The following TNNI3K variants were observed in gnomAD, a reference collection of about 807,000 sequenced individuals.
TNNI3K encodes TNNI3 interacting kinase, also known as serine/threonine-protein kinase TNNI3K.
In TNNI3K, 140 loss-of-function variants were observed where a neutral mutation model predicts 114.5. The observed-to-expected ratio is 1.22, with a 90% CI of 1.07 to 1.41. TNNI3K has a LOEUF of 1.41. TNNI3K is among the 40% of genes most tolerant of loss of function. The pLI, the probability that TNNI3K is intolerant of heterozygous loss-of-function variation, is 0.00. For missense variants in TNNI3K, 1,125 were observed against 1,007.6 expected (o/e 1.12, Z -1.58); for synonymous variants, 347 against 347.5 (o/e 1.00, Z 0.02).
chr1:74,444,479 A>G (rs911027452), intron 20 of TNNI3K, among the ~76,000 whole-genome samples: 2 of 151,974 alleles, frequency 1.3e-5, no homozygotes, highest in Non-Finnish European at 2.9e-5. Context: ...TAACAAGAAA[A>G]GTGAAGGACC....
chr1:74,522,184 G>C (rs931532034), intron 23 of TNNI3K, among the ~76,000 whole-genome samples: 5 of 152,188 alleles, frequency 3.3e-5, no homozygotes, highest in Non-Finnish European at 5.9e-5. Flanking sequence ...TCAGACCCTT[G>C]ATGAATCAGG....
chr1:74,297,714 T>A (rs1450641978), intron 5 of TNNI3K, among the ~76,000 whole-genome samples: 1 of 152,166 alleles, frequency 6.6e-6, no homozygotes, highest in African/African-American at 2.4e-5. Context: ...TCATAGCATG[T>A]CAGGGTAGTC....
intron 17 of TNNI3K, among the ~76,000 whole-genome samples, chr1:74,431,268 T>C (rs1292693256): frequency 2.6e-5 from 4 of 152,098 alleles, no homozygotes; most frequent in Non-Finnish European, 4.4e-5. Flanking sequence ...CTTCTGACTA[T>C]AGGTCCTCTT....
At chr1:74,399,480 A>G (rs1013337741) in intron 17 of TNNI3K, among the ~76,000 whole-genome samples, 1 of 152,118 alleles carries the variant, frequency 6.6e-6, no homozygotes, top group Non-Finnish European at 1.5e-5. Context: ...GTGTTAATTA[A>G]GACTCAAAAA....
chr1:74,520,019 A>G (rs1047160281), intron 23 of TNNI3K, among the ~76,000 whole-genome samples: 1 of 152,004 alleles, frequency 6.6e-6, no homozygotes, highest in East Asian at 1.9e-4. Context: ...TTTTATTTCC[A>G]TAAGTTTTTG....
intron 17 of TNNI3K, chr1:74,375,802 C>G: frequency 3.3e-6 from 1 of 301,792 alleles, no homozygotes; most frequent in South Asian, 2.8e-5. Flanking sequence ...ACACTCTTCT[C>G]TCCTGTACAG....
At chr1:74,365,280 G>T (rs1662209415) in intron 11 of TNNI3K, among the ~76,000 whole-genome samples, 1 of 151,644 alleles carries the variant, frequency 6.6e-6, no homozygotes, top group African/African-American at 2.4e-5. Flanking sequence ...ATGCTTCAGG[G>T]GCTCCCCATC....
intron 7 of TNNI3K, among the ~76,000 whole-genome samples, chr1:74,340,875 A>G (rs1660715276): frequency 6.6e-6 from 1 of 152,182 alleles, no homozygotes; most frequent in South Asian, 2.1e-4. Context: ...AGAAGAACCA[A>G]CATTCTTCTG....
intron 9 of TNNI3K, among the ~76,000 whole-genome samples, chr1:74,351,078 T>C (rs972864646): frequency 1.4e-4 from 21 of 151,700 alleles, no homozygotes; most frequent in African/African-American, 5.1e-4. Flanking sequence ...TCTTTACAAT[T>C]TGGCATGTTT....
At chr1:74,427,122 C>T (rs1350242009) in intron 17 of TNNI3K, among the ~76,000 whole-genome samples, 1 of 151,942 alleles carries the variant, frequency 6.6e-6, no homozygotes, top group Admixed American at 6.6e-5. Flanking sequence ...CCTGCCTGTC[C>T]TTTGTTCTGG....
At chr1:74,495,503 A>C (rs1669285545) in intron 23 of TNNI3K, among the ~76,000 whole-genome samples, 1 of 152,242 alleles carries the variant, frequency 6.6e-6, no homozygotes, top group African/African-American at 2.4e-5. Flanking sequence ...GTGTGTAATC[A>C]GTGAATGAGC....
chr1:74,239,240 C>T (rs1226537381), intron 2 of TNNI3K, among the ~76,000 whole-genome samples: 1 of 151,996 alleles, frequency 6.6e-6, no homozygotes, highest in Non-Finnish European at 1.5e-5. Context: ...AAGTGAATTG[C>T]TTCCAGGGCA....
intron 11 of TNNI3K, among the ~76,000 whole-genome samples, chr1:74,356,051 C>T (rs570505807): frequency 6.6e-6 from 1 of 152,248 alleles, no homozygotes; most frequent in Non-Finnish European, 1.5e-5. Flanking sequence ...CAATCACTCC[C>T]CTAAAGAGGT....
chr1:74,354,087 G>T lies in TNNI3K; in HGVS notation c.1135G>T (p.Glu379Ter). The T allele has an allele frequency of 3.1e-6, 5 of 1,614,060 alleles. No homozygotes were observed. The highest frequency in any genetic ancestry group is 4.2e-6 in the Non-Finnish European group (5 of 1,179,988). ...TTGTGATCCCAGCAGGTCTAGTGGT[G>T]AAAAAGATGAGCAGACATGTTTGAT... ...VACDPSRSSG[E>*]KDEQTCLMWA... Residue 379 changes from glutamate (E) to a stop codon, truncating the protein, a stop_gained, in exon 11 of 25, where the codon GAA becomes TAA. Coordinates refer to ENST00000326637, the MANE Select transcript of TNNI3K (RefSeq NM_015978.3). LOFTEE classifies it high-confidence loss of function.
At chr1:74,425,853 GT>G (rs1665613378) in intron 17 of TNNI3K, among the ~76,000 whole-genome samples, 1 of 152,044 alleles carries the variant, frequency 6.6e-6, no homozygotes, top group Non-Finnish European at 1.5e-5. Context: ...TTGACGAAGG[GT>G]TAGAGCTAAA....
rs1200097708 is a variant in TNNI3K, at chr1:74,367,923, CT to C, written c.1281del (p.Val428PhefsTer11). On this transcript the variant is annotated frameshift_variant, in exon 13 of 25. Transcript: ENST00000326637. LOFTEE classifies it high-confidence loss of function. ...SQPGGDGSYV[S>X]VPSPLGKIKS... The stretch of plus-strand genomic sequence containing the variant: ...TAATTTCTAGATGGCTCCTATGTGT[CT>C]GTTCCATCACCCTTGGGGAAGATTA... 4.4e-6 allele frequency: 7 copies of C among 1,577,310 alleles called. No homozygotes were observed. The highest frequency in any genetic ancestry group is 1.4e-5 in the African/African-American group (1 of 72,008).
At chr1:74,472,342 C>G in intron 21 of TNNI3K, 1 of 591,582 alleles carries the variant, frequency 1.7e-6, no homozygotes, top group Non-Finnish European at 3.0e-6. Flanking sequence ...AATTTGTAAC[C>G]AAACCTACAA....
intron 23 of TNNI3K, among the ~76,000 whole-genome samples, chr1:74,502,349 G>A (rs1273338024): frequency 1.3e-5 from 2 of 152,092 alleles, no homozygotes; most frequent in African/African-American, 2.4e-5. Context: ...CAAACATGAT[G>A]CCATTGAATT....
chr1:74,295,256 T>C (rs1657913565), intron 5 of TNNI3K, among the ~76,000 whole-genome samples: 1 of 152,176 alleles, frequency 6.6e-6, no homozygotes, highest in Non-Finnish European at 1.5e-5. Context: ...TTTCAAAATT[T>C]GGTGAGGCTT....
Sources: allele counts gnomAD v4.1 joint callset (sites outside exome capture counted in the v4.1 genomes callset), GRCh38; gene constraint gnomAD v4.1.1; transcripts MANE v1.5; gene names NCBI Gene and HGNC (gene_info 2026-07-23, HGNC 2026-07-21).